UNC13B: variants seen among roughly 807,000 people sequenced by gnomAD.
UNC13B encodes the protein protein unc-13 homolog B.
A neutral mutation model predicts 211.0 loss-of-function variants in UNC13B; 144 were observed. That is an observed-to-expected ratio of 0.68 (90% confidence interval 0.60 to 0.78). The LOEUF (loss-of-function observed/expected upper bound fraction) is 0.78. Among genes scored for constraint, UNC13B ranks in the 30% least tolerant of loss-of-function variants. The probability of loss-of-function intolerance (pLI) is 0.00; values close to 1 mark genes in which losing one functional copy is unlikely to be tolerated. For missense variants in UNC13B, 1,777 were observed against 2,002.0 expected, an observed-to-expected ratio of 0.89 and a Z score of 2.14; for synonymous variants, 709 against 725.8, an observed-to-expected ratio of 0.98 and a Z score of 0.37.
At chr9:35,389,667 A>C (rs1004290461) in intron 24 of UNC13B, among the ~76,000 whole-genome samples, 179 bp from the exon 25 acceptor site, 1 of 152,202 alleles carries the variant, frequency 6.6e-6, no homozygotes, top group African/African-American at 2.4e-5. Flanking sequence ...GGGATCTCAC[A>C]ATAGTCACTC....
At chr9:35,172,987 A>G (rs553848188) in intron 1 of UNC13B, among the ~76,000 whole-genome samples, 81 of 152,292 alleles carry the variant, frequency 5.3e-4, no homozygotes, top group Non-Finnish European at 7.9e-4. Flanking sequence ...TTAGAGCTGT[A>G]GAAGACAGGC....
chr9:35,206,492 G>A (rs1483751292), intron 1 of UNC13B, among the ~76,000 whole-genome samples: 1 of 152,082 alleles, frequency 6.6e-6, no homozygotes, highest in East Asian at 1.9e-4. Flanking sequence ...CCTTGTGACT[G>A]GCTTTTTTAA....
intron 1 of UNC13B, among the ~76,000 whole-genome samples, chr9:35,182,300 C>G (rs1180664354): frequency 6.6e-6 from 1 of 151,752 alleles, no homozygotes; most frequent in Non-Finnish European, 1.5e-5. Flanking sequence ...TCTCATTGAG[C>G]TTCCTTTTGA....
intron 1 of UNC13B, among the ~76,000 whole-genome samples, chr9:35,205,443 A>T (rs912210808): frequency 2.0e-5 from 3 of 152,220 alleles, no homozygotes; most frequent in African/African-American, 7.2e-5. Flanking sequence ...TTTTTAATGT[A>T]TTCACAGAGT....
intron 15 of UNC13B, 26 bp downstream of exon 15, chr9:35,376,273 G>A (rs142814089): frequency 4.0e-5 from 64 of 1,606,974 alleles, no homozygotes; most frequent in Non-Finnish European, 4.5e-5. Context: ...GATGAGGGGC[G>A]GGGAGTGGGG....
chr9:35,209,484 TCTC>T (rs1823848600), intron 1 of UNC13B, among the ~76,000 whole-genome samples: 1 of 152,092 alleles, frequency 6.6e-6, no homozygotes. Flanking sequence ...TTCAAGCAAT[TCTC>T]CTGCCTCAGC....
In UNC13B at chr9:35,403,178, G is replaced by A. The variant is rs1190076415; in HGVS notation, c.12496G>A (p.Asp4166Asn). The part of the protein sequence containing the change: ...RSQTTQGSGV[D>N]DPVGEVSIQV... ...CATTTGTCCCTCAGGGTCTGGTGTG[G>A]ACGATCCTGTGGGAGAAGTCTCTAT... Residue 4166 changes from aspartate (D) to asparagine (N), a missense_variant, in exon 38 of 40, where the codon GAC (aspartate) becomes AAC (asparagine). Transcript: ENST00000635942. 1.2e-6 allele frequency: 2 copies of A among 1,614,092 alleles called. No individual in the cohort carries two copies. Among genetic ancestry groups the A allele is most frequent in the African/African-American group, 2.7e-5 (2 of 75,028 alleles).
At chr9:35,174,181 A>G (rs374453507) in intron 1 of UNC13B, among the ~76,000 whole-genome samples, 2 of 152,006 alleles carry the variant, frequency 1.3e-5, no homozygotes, top group Admixed American at 6.6e-5. Flanking sequence ...CTTTTTTGAG[A>G]TAGTCTCACT....
intron 7 of UNC13B, among the ~76,000 whole-genome samples, chr9:35,260,052 A>AAC (rs1827178032): frequency 3.4e-5 from 5 of 149,190 alleles, no homozygotes; most frequent in Admixed American, 2.0e-4. Flanking sequence ...AAAAAAAAAA[A>AAC]AAAAAAAAAA....
intron 6 of UNC13B, among the ~76,000 whole-genome samples, chr9:35,258,250 T>C (rs1164642907): frequency 6.6e-6 from 1 of 152,220 alleles, no homozygotes; most frequent in African/African-American, 2.4e-5. Flanking sequence ...AATTATCCAA[T>C]GGACCCTGAA....
At position 35,174,704 on chromosome 9, in the gene UNC13B, C is replaced by T. The variant is rs538478127; in HGVS notation, c.22+12399C>T. Among the ~76,000 whole-genome samples the T allele has an allele frequency of 3.6e-3, 550 of 152,180 alleles. 1 individual carries two copies. The highest frequency in any genetic ancestry group is 0.017 in the South Asian group (80 of 4,822). ...CTGGGACTACAGGCGCCCGCCACCACGCCTGGCTAATTTTTTTTGTACTTT... is the reference window on the plus strand; with the variant it reads ...CTGGGACTACAGGCGCCCGCCACCATGCCTGGCTAATTTTTTTTGTACTTT... On this transcript the variant is annotated intron_variant, in intron 1 of 39. Coordinates refer to ENST00000635942, the MANE Select transcript of UNC13B (RefSeq NM_001371189.2).
intron 9 of UNC13B, among the ~76,000 whole-genome samples, chr9:35,309,135 C>T (rs1489363216): frequency 1.3e-5 from 2 of 151,974 alleles, no homozygotes; most frequent in Non-Finnish European, 2.9e-5. Flanking sequence ...ACTGTTATTT[C>T]CCCTAAGAAG....
At chr9:35,228,960 G>A (rs942231904) in intron 2 of UNC13B, among the ~76,000 whole-genome samples, 1 of 151,506 alleles carries the variant, frequency 6.6e-6, no homozygotes, top group Non-Finnish European at 1.5e-5. Flanking sequence ...AGAATTGCTG[G>A]GTCAAAAGTG....
chr9:35,399,281 G>A lies in UNC13B; in HGVS notation c.12195G>A (p.Gln4065=). ...RMIVLPPLTD[Q]TGTQLIFTAA... Reference sequence around the variant, plus strand: ...TTGTTCTGCCCCCACTCACTGACCAGACGGTAAGGACACCTCCTTCCACTT... The same window carrying A: ...TTGTTCTGCCCCCACTCACTGACCAAACGGTAAGGACACCTCCTTCCACTT... The change falls in exon 34 of 40, where the codon CAG becomes CAA. Residue 4065 remains glutamine (Q), a synonymous_variant. Coordinates refer to ENST00000635942, the MANE Select transcript of UNC13B (RefSeq NM_001371189.2). The A allele has an allele frequency of 6.2e-7, 1 of 1,614,148 alleles. No homozygotes were observed. Among genetic ancestry groups the A allele is most frequent in the Non-Finnish European group, 8.5e-7 (1 of 1,180,016 alleles).
rs977465191 is a variant in UNC13B at position 35,304,346 on chromosome 9, T to C, written c.4942T>C (p.Phe1648Leu). The change falls in exon 9 of 40, where the codon TTT (phenylalanine) becomes CTT (leucine). Residue 1648 changes from phenylalanine to leucine, a missense_variant. By Grantham distance (22) the Phe-to-Leu change is conservative. Coordinates refer to ENST00000635942, the MANE Select transcript of UNC13B (RefSeq NM_001371189.2). The part of the protein sequence containing the change: ...SCDQSDQPLD[F>L]SGYNRQKFKG... The stretch of plus-strand genomic sequence containing the variant: ...TGACCAAAGCGATCAGCCACTAGAT[T>C]TTTCAGGCTATAATCGTCAAAAGTT... 5.0e-6 allele frequency: 2 copies of C among 398,546 alleles called. No homozygotes were observed. Among genetic ancestry groups the C allele is most frequent in the Non-Finnish European group, 8.9e-6 (2 of 225,870 alleles). The allele number at this position is 398,546 out of a possible 1,614,324, so 24.7% of individuals were successfully genotyped here.
rs34349679 is a variant in UNC13B at position 35,271,138 on chromosome 9, CAAAAAAAAAAA to C, written c.526+12098_526+12108del. On this transcript the variant is annotated intron_variant, in intron 7 of 39. Transcript: ENST00000635942. ...TGGATGACAGAGTGAGACTCCATTTCAAAAAAAAAAAAAAAAAAAAGGACATTTCTCCCCCC... is the reference window on the plus strand; with the variant it reads ...TGGATGACAGAGTGAGACTCCATTTCAAAAAAAAAGGACATTTCTCCCCCC... Among the ~76,000 whole-genome samples, 12 of 75,726 alleles carry C rather than the reference CAAAAAAAAAAA, an allele frequency of 1.6e-4. No individual in the cohort carries two copies. In the South Asian group the frequency reaches 1.9e-3, roughly 12 times the overall value. The allele number at this position is 75,726 out of a possible 152,430, so 49.7% of individuals were successfully genotyped here. A position where few individuals can be genotyped will look rare whatever the true frequency, so the allele number is the denominator to read the frequency against.
rs745531616 is a variant in UNC13B, at chr9:35,306,236, G to A, written c.6832G>A (p.Glu2278Lys). 3.3e-5 allele frequency: 13 copies of A among 398,948 alleles called. No homozygotes were observed. Among genetic ancestry groups the A allele is most frequent in the Non-Finnish European group, 5.8e-5 (13 of 226,072 alleles). The allele number at this position is 398,948 out of a possible 1,614,324, so 24.7% of individuals were successfully genotyped here. ...TAGCATAGCCCAAGAAGTAGTTCAT[G>A]AACAGCAAATGGCACCTTGTATTTC... ...RDSIAQEVVH[E>K]QQMAPCISIN... is the part of the protein sequence containing the mutation. Residue 2278 changes from glutamate to lysine, a missense_variant, in exon 9 of 40, where the codon GAA (glutamate) becomes AAA (lysine). Glu to Lys is a moderately conservative substitution (Grantham distance 56). Coordinates refer to ENST00000635942, the MANE Select transcript of UNC13B (RefSeq NM_001371189.2).
At chr9:35,270,331 G>GTA (rs1280255870) in intron 7 of UNC13B, among the ~76,000 whole-genome samples, 7 of 109,196 alleles carry the variant, frequency 6.4e-5, no homozygotes, top group South Asian at 3.1e-4. Context: ...CTCTCTCTAT[G>GTA]TATATATATG....
chr9:35,184,740 G>A (rs549081733), intron 1 of UNC13B, among the ~76,000 whole-genome samples: 14 of 45,150 alleles, frequency 3.1e-4, no homozygotes, highest in Admixed American at 1.1e-3. Flanking sequence ...AGAGGGAGAC[G>A]AAAGAAAGAA....
Sources: gnomAD v4.1 joint callset for allele counts (sites outside exome capture counted in the v4.1 genomes callset) on GRCh38, gnomAD v4.1.1 for gene constraint, MANE v1.5 for transcripts, NCBI Gene and HGNC (gene_info 2026-07-23, HGNC 2026-07-21) for gene names.